LRP1B: variants seen among roughly 807,000 people sequenced by gnomAD.
The protein encoded by LRP1B is low-density lipoprotein receptor-related protein 1B.
Under a neutral mutation model 556.6 loss-of-function variants are expected in LRP1B, and 217 were observed. The observed-to-expected ratio is 0.39, with a 90% CI of 0.35 to 0.44. The LOEUF is 0.44. LRP1B is among the 20% of genes least tolerant of loss of function. LRP1B has a pLI of 1.00. For synonymous variants in LRP1B, 2,047 were observed against 1,865.8 expected, an observed-to-expected ratio of 1.10 and a Z score of -2.50; for missense variants, 5,053 against 5,620.8, an observed-to-expected ratio of 0.90 and a Z score of 3.23.
chr2:141,348,558 A>G (rs942921909), intron 3 of LRP1B, among the ~76,000 whole-genome samples: 3 of 152,062 alleles, frequency 2.0e-5, no homozygotes, highest in Non-Finnish European at 4.4e-5. Flanking sequence ...CTAAAATATC[A>G]TTATACGTAT....
At chr2:141,823,496 G>C (rs541611721) in intron 1 of LRP1B, among the ~76,000 whole-genome samples, 50 of 152,212 alleles carry the variant, frequency 3.3e-4, no homozygotes, top group African/African-American at 1.2e-3. Context: ...CATCAGAGAA[G>C]CATCCCCGAA....
intron 1 of LRP1B, among the ~76,000 whole-genome samples, chr2:141,817,204 A>G (rs1696588608): frequency 6.6e-6 from 1 of 152,258 alleles, no homozygotes; most frequent in African/African-American, 2.4e-5. Context: ...CTTATTTTAA[A>G]TGTTTTCCTA....
chr2:141,263,410 G>A (rs998715239), intron 3 of LRP1B, among the ~76,000 whole-genome samples: 1 of 151,932 alleles, frequency 6.6e-6, no homozygotes, highest in Non-Finnish European at 1.5e-5. Context: ...ACAACTTAGA[G>A]GAAATAGAGA....
At chr2:140,655,709 G>A (rs561967174) in intron 41 of LRP1B, among the ~76,000 whole-genome samples, 8 of 152,266 alleles carry the variant, frequency 5.3e-5, no homozygotes, top group Admixed American at 3.3e-4. Context: ...TTGGGGGGCC[G>A]AGGCGGGTGG....
intron 11 of LRP1B, among the ~76,000 whole-genome samples, chr2:141,038,139 TAAA>T (rs34603242): frequency 5.4e-5 from 8 of 148,808 alleles, no homozygotes; most frequent in Non-Finnish European, 7.4e-5. Context: ...TAAAAATAAT[TAAA>T]AAAAAAATCT....
intron 41 of LRP1B, among the ~76,000 whole-genome samples, chr2:140,635,411 A>G (rs866765916): frequency 1.3e-4 from 20 of 152,122 alleles, no homozygotes; most frequent in South Asian, 1.2e-3. Context: ...GCAGTTTCTC[A>G]GTACTAGGGC....
At chr2:140,849,526 T>C (rs1314251136) in intron 29 of LRP1B, among the ~76,000 whole-genome samples, 1 of 152,128 alleles carries the variant, frequency 6.6e-6, no homozygotes, top group African/African-American at 2.4e-5. Context: ...TTTAGACATG[T>C]AAATTTTTTT....
chr2:140,987,086 C>T (rs187557500), intron 17 of LRP1B, among the ~76,000 whole-genome samples: 1 of 152,102 alleles, frequency 6.6e-6, no homozygotes, highest in Admixed American at 6.6e-5. Context: ...GCTATGTGAC[C>T]TATTTATATA....
intron 41 of LRP1B, among the ~76,000 whole-genome samples, chr2:140,697,306 C>T (rs1472352232): frequency 1.3e-5 from 2 of 152,180 alleles, no homozygotes; most frequent in African/African-American, 4.8e-5. Flanking sequence ...GGCATCTTTG[C>T]CTTCAGACAC....
chr2:141,645,328 C>T (rs1224308551), intron 2 of LRP1B, among the ~76,000 whole-genome samples: 1 of 152,088 alleles, frequency 6.6e-6, no homozygotes, highest in Non-Finnish European at 1.5e-5. Context: ...CCACACCATG[C>T]CTCATATGAA....
At chr2:140,629,443 T>C (rs1683799193) in intron 41 of LRP1B, among the ~76,000 whole-genome samples, 1 of 152,166 alleles carries the variant, frequency 6.6e-6, no homozygotes, top group Admixed American at 6.5e-5. Flanking sequence ...AGTCTACTTC[T>C]AGGAATTTAT....
At chr2:141,799,416 T>G (rs35059568) in intron 2 of LRP1B, among the ~76,000 whole-genome samples, 61,375 of 151,844 alleles carry the variant, frequency 0.4, 12,638 homozygotes, top group East Asian at 0.5. Context: ...CTGCTTGGTT[T>G]GAAAATGGAG....
At chr2:142,001,194 G>C (rs960176275) in intron 1 of LRP1B, among the ~76,000 whole-genome samples, 1 of 152,056 alleles carries the variant, frequency 6.6e-6, no homozygotes, top group African/African-American at 2.4e-5. Flanking sequence ...TACCCAGTCT[G>C]GGGTATGTCT....
rs956071876 is a variant in LRP1B at position 141,848,772 on chromosome 2, T to C, written c.83-38371A>G. Among the ~76,000 whole-genome samples the C allele has an allele frequency of 4.0e-5, 6 of 151,364 alleles. No homozygotes were observed. In the East Asian group the frequency reaches 1.2e-3, roughly 29 times the overall value. On this transcript the variant is annotated intron_variant, in intron 1 of 90. Transcript: ENST00000389484. ...ATGGATACCCATGCAGGGAGGGCAA[T>C]GTGATTGAGATTTAAAAAACAAGAG...
At chr2:141,311,118 A>G (rs1686798279) in intron 3 of LRP1B, among the ~76,000 whole-genome samples, 1 of 152,196 alleles carries the variant, frequency 6.6e-6, no homozygotes, top group South Asian at 2.1e-4. Context: ...ATATTGTTTA[A>G]GTCCATCTTC....
In LRP1B at chr2:141,480,328, T is replaced by A. The variant is rs566303791; in HGVS notation, c.343+68A>T. ...TTGAAAGAAAAGGCAGGTTATAGGT[T>A]TTCTTTGAACTTTCATTACTATGTA... On this transcript the variant is annotated intron_variant, in intron 3 of 90. Transcript: ENST00000389484. 2.6e-6 allele frequency: 4 copies of A among 1,555,758 alleles called. No individual in the cohort carries two copies. The African/African-American group carries it at 5.4e-5, about 21-fold the overall frequency.
At chr2:140,446,303 A>T (rs1190511308) in intron 63 of LRP1B, among the ~76,000 whole-genome samples, 1 of 152,168 alleles carries the variant, frequency 6.6e-6, no homozygotes, top group Non-Finnish European at 1.5e-5. Context: ...TCTGAGCTTC[A>T]ACTCTGTCTC....
chr2:140,621,628 A>G (rs1157770293), intron 41 of LRP1B, among the ~76,000 whole-genome samples: 1 of 152,160 alleles, frequency 6.6e-6, no homozygotes, highest in Non-Finnish European at 1.5e-5. Context: ...ATATGATATT[A>G]ATATACAAAT....
intron 20 of LRP1B, among the ~76,000 whole-genome samples, chr2:140,937,338 C>G (rs1695258890): frequency 6.6e-6 from 1 of 152,012 alleles, no homozygotes; most frequent in African/African-American, 2.4e-5. Context: ...TAAAATAAAT[C>G]AGTTACAAAC....
Sources: gnomAD v4.1 joint callset for allele counts (sites outside exome capture counted in the v4.1 genomes callset) on GRCh38, gnomAD v4.1.1 for gene constraint, MANE v1.5 for transcripts, NCBI Gene and HGNC (gene_info 2026-07-23, HGNC 2026-07-21) for gene names.